Variants in LARP1 observed in about 807,000 individuals in gnomAD.
The protein encoded by LARP1 is La ribonucleoprotein 1, translational regulator.
In LARP1, 36 loss-of-function variants were observed where a neutral mutation model predicts 122.7. That is an observed-to-expected ratio of 0.29 (90% CI 0.22 to 0.39). The LOEUF (loss-of-function observed/expected upper bound fraction) is 0.39, where lower values mean the gene tolerates loss of function less well. Among genes scored for constraint, LARP1 ranks in the 10% least tolerant of loss-of-function variants. LARP1 has a pLI of 1.00. For missense variants in LARP1, 1,040 were observed against 1,403.6 expected (o/e 0.74, Z 4.14); for synonymous variants, 539 against 528.7 (o/e 1.02, Z -0.27).
chr5:154,790,562 A>G, intron 2 of LARP1, 83 bp from the exon 3 acceptor site: 1 of 1,493,228 alleles, frequency 6.7e-7, no homozygotes, highest in African/African-American at 1.4e-5. Flanking sequence ...TTGGCCTCTG[A>G]TCTCTTGGTG....
intron 1 of LARP1, among the ~76,000 whole-genome samples, chr5:154,730,489 C>T (rs575395181): frequency 1.8e-3 from 242 of 132,322 alleles, no homozygotes; most frequent in African/African-American, 6.3e-3. Flanking sequence ...TTTTTTTTTT[C>T]GAGACGTTGT....
At chr5:154,685,075 C>T (rs931556693) in intron 1 of LARP1, among the ~76,000 whole-genome samples, 1 of 152,148 alleles carries the variant, frequency 6.6e-6, no homozygotes, top group African/African-American at 2.4e-5. Context: ...GAAACTTCGT[C>T]TCTACTGAAA....
At chr5:154,792,589 C>T (rs1340563909) in intron 3 of LARP1, 33 bp from the exon 4 acceptor site, 2 of 1,604,634 alleles carry the variant, frequency 1.2e-6, no homozygotes, top group East Asian at 4.5e-5. Context: ...GGCACTCACA[C>T]TCACCTCACT....
intron 1 of LARP1, among the ~76,000 whole-genome samples, chr5:154,718,969 G>A (rs1019354821): frequency 2.6e-5 from 4 of 152,202 alleles, no homozygotes; most frequent in African/African-American, 9.6e-5. Context: ...GCAAGGCAAG[G>A]CAGAAGTAGA....
intron 1 of LARP1, chr5:154,685,890 G>A (rs552268733): frequency 9.1e-5 from 45 of 496,546 alleles, no homozygotes; most frequent in South Asian, 6.7e-4. Flanking sequence ...ACAGCCCTAA[G>A]TGGGAGCCCT....
chr5:154,738,210 A>C (rs1408347479), intron 1 of LARP1, among the ~76,000 whole-genome samples: 1 of 152,200 alleles, frequency 6.6e-6, no homozygotes, highest in Non-Finnish European at 1.5e-5. Context: ...ATCTCACCAC[A>C]CTGAATATCA....
chr5:154,769,761 G>T lies in LARP1; in HGVS notation c.436+13568G>T, dbSNP rs1010473935. Among the ~76,000 whole-genome samples the T allele has an allele frequency of 1.6e-4, 25 of 152,354 alleles. 1 individual carries two copies. The highest frequency in any genetic ancestry group is 5.8e-4 in the African/African-American group (24 of 41,576). On this transcript the variant is annotated intron_variant, in intron 1 of 18. Coordinates refer to ENST00000518297, the MANE Select transcript of LARP1 (RefSeq NM_033551.3). ...CAAACACCCTGTGTGATCAGTCTCA[G>T]AGTATAAAGGAGAAAGATGTGGCTA...
chr5:154,792,805 CTGGGAGCAGGACT>C lies in LARP1; in HGVS notation c.739+16_739+28del. 5.6e-6 allele frequency: 9 copies of C among 1,612,970 alleles called. No individual in the cohort carries two copies. The highest frequency in any genetic ancestry group is 7.6e-6 in the Non-Finnish European group (9 of 1,179,494). On this transcript the variant is annotated intron_variant, in intron 4 of 18. Coordinates refer to ENST00000518297, the MANE Select transcript of LARP1 (RefSeq NM_033551.3). ...CGGGCAGAAGAAGAAAGGTGAGTGA[CTGGGAGCAGGACT>C]TGGGAGAAGGTGGCAGGGTAGAACT...
chr5:154,740,579 G>C (rs1582251793), intron 1 of LARP1, among the ~76,000 whole-genome samples: 2 of 152,276 alleles, frequency 1.3e-5, no homozygotes, highest in East Asian at 3.9e-4. Context: ...TTTATGGCTT[G>C]CTCAAGCTCA....
At chr5:154,710,595 T>C (rs1431655950), upstream of LARP1, among the ~76,000 whole-genome samples, 2 of 151,768 alleles carry the variant, frequency 1.3e-5, no homozygotes, top group Non-Finnish European at 2.9e-5. Flanking sequence ...TTCAAAAAAT[T>C]AGCCGGGCAT....
At chr5:154,684,487 G>A (rs530930082) in intron 1 of LARP1, among the ~76,000 whole-genome samples, 12 of 152,226 alleles carry the variant, frequency 7.9e-5, no homozygotes, top group Middle Eastern at 3.4e-3. Flanking sequence ...TGGATGGAAC[G>A]AACCCAAGAT....
chr5:154,787,265 G>A (rs1582409356), intron 1 of LARP1, among the ~76,000 whole-genome samples: 1 of 152,208 alleles, frequency 6.6e-6, no homozygotes, highest in East Asian at 1.9e-4. Flanking sequence ...AGAATGCAGG[G>A]GTAGAAGGAG....
At chr5:154,726,983 TG>T (rs1159381267) in intron 1 of LARP1, among the ~76,000 whole-genome samples, 3 of 152,238 alleles carry the variant, frequency 2.0e-5, no homozygotes, top group African/African-American at 7.2e-5. Context: ...TACCTCTACC[TG>T]GTCGTGCCCT....
In LARP1 at chr5:154,802,262, G is replaced by T; in HGVS notation, c.1972G>T (p.Gly658Trp). The T allele has an allele frequency of 6.2e-7, 1 of 1,613,976 alleles. No individual in the cohort carries two copies. The highest frequency in any genetic ancestry group is 8.5e-7 in the Non-Finnish European group (1 of 1,179,932). Residue 658 changes from glycine to tryptophan, a missense_variant, in exon 11 of 19, where the codon GGG becomes TGG. Around this residue, in one of 8 missense-constraint regions of LARP1, gnomAD observed 362 missense variants for 533.1 expected, o/e 0.68. Coordinates refer to ENST00000518297, the MANE Select transcript of LARP1 (RefSeq NM_033551.3). This position sits in a 1 kb window ranked among gnomAD's most constrained non-coding sequence, Gnocchi z 5.1. ...QTPHYMRRHP[G>W]GDRTGNHTSR... The stretch of plus-strand genomic sequence containing the variant: ...ACCACATTACATGCGCCGGCACCCA[G>T]GGGGGGACCGCACAGGCAACCACAC...
intron 1 of LARP1, among the ~76,000 whole-genome samples, chr5:154,772,891 C>A (rs1343785088): frequency 1.3e-5 from 2 of 151,068 alleles, no homozygotes; most frequent in Non-Finnish European, 2.9e-5. Context: ...TTTTCCGTGT[C>A]GGTCAGTCTG....
At chr5:154,709,076 CA>C (rs906588132), upstream of LARP1, among the ~76,000 whole-genome samples, 3 of 152,242 alleles carry the variant, frequency 2.0e-5, no homozygotes, top group African/African-American at 7.2e-5. Flanking sequence ...GCCAGTTCAT[CA>C]ATTTGTCCAG....
chr5:154,815,449 T>A lies in LARP1; in HGVS notation c.*1353T>A, dbSNP rs1323690960. ...CTCCTCACACCCCAGAGTGGAAAGG[T>A]GAACACCTGCAGCTGAGGCTTGGAA... is the stretch of plus-strand genomic sequence containing the variant. On this transcript the variant is annotated 3_prime_UTR_variant, in exon 19 of 19. Coordinates refer to ENST00000518297, the MANE Select transcript of LARP1 (RefSeq NM_033551.3). The A allele has an allele frequency of 6.6e-6, 1 of 152,226 alleles. No individual in the cohort carries two copies. Among genetic ancestry groups the A allele is most frequent in the African/African-American group, 2.4e-5 (1 of 41,358 alleles). 9.4% of individuals were successfully genotyped at this position (152,226 alleles called of 1,614,324 possible). A position where few individuals can be genotyped will look rare whatever the true frequency, so the allele number is the denominator to read the frequency against.
At chr5:154,719,248 G>T (rs1040745142) in intron 1 of LARP1, among the ~76,000 whole-genome samples, 3 of 152,134 alleles carry the variant, frequency 2.0e-5, no homozygotes, top group Non-Finnish European at 4.4e-5. Flanking sequence ...CAGGTTCAGA[G>T]AGTGCACATC....
intron 1 of LARP1, among the ~76,000 whole-genome samples, chr5:154,716,907 A>G (rs1047175835): frequency 4.6e-5 from 7 of 152,122 alleles, no homozygotes; most frequent in African/African-American, 7.2e-5. Context: ...AAAAAATTCA[A>G]AAATTAGCCG....
Sources: gnomAD v4.1 joint callset for allele counts (sites outside exome capture counted in the v4.1 genomes callset) on GRCh38, gnomAD v4.1.1 for gene constraint, gnomAD v4.1.1 regional missense constraint, Gnocchi (gnomAD v3.1) non-coding constraint, MANE v1.5 for transcripts, NCBI Gene and HGNC (gene_info 2026-07-23, HGNC 2026-07-21) for gene names.